COL21A1: variants seen among roughly 807,000 people sequenced by gnomAD.
COL21A1 encodes the protein collagen type XXI alpha 1 chain.
A neutral mutation model predicts 137.9 loss-of-function variants in COL21A1; 149 were observed. That is an observed-to-expected ratio of 1.08 (90% CI 0.95 to 1.24). COL21A1 has a LOEUF of 1.24. Ranked by LOEUF, COL21A1 falls within the 50% of genes most tolerant of loss-of-function variation. The pLI, the probability that COL21A1 is intolerant of heterozygous loss-of-function variation, is 0.00. For missense variants in COL21A1, 1,167 were observed against 1,158.4 expected (o/e 1.01, Z -0.11); for synonymous variants, 456 against 391.5 (o/e 1.16, Z -1.95).
chr6:56,225,973 C>T (rs1781162215), intron 1 of COL21A1: 4 of 151,994 alleles, frequency 2.6e-5, no homozygotes, highest in Admixed American at 2.6e-4. Flanking sequence ...TTGTGGTGTA[C>T]ATGTTTCTGG....
At chr6:56,227,564 A>G (rs1471722217) in intron 1 of COL21A1, among the ~76,000 whole-genome samples, 1 of 152,052 alleles carries the variant, frequency 6.6e-6, no homozygotes, top group Non-Finnish European at 1.5e-5. Context: ...TGAAAAATAC[A>G]TGAAGCTTGG....
At chr6:56,195,015 G>GA (rs924756540) in intron 1 of COL21A1, among the ~76,000 whole-genome samples, 1 of 152,010 alleles carries the variant, frequency 6.6e-6, no homozygotes, top group African/African-American at 2.4e-5. Flanking sequence ...GTGGCTTTAT[G>GA]AAAAAAGGAA....
chr6:56,223,606 T>C (rs1410958798), intron 1 of COL21A1, among the ~76,000 whole-genome samples: 1 of 152,098 alleles, frequency 6.6e-6, no homozygotes, highest in East Asian at 1.9e-4. Context: ...TAATTACAGC[T>C]ATTACATTGG....
At chr6:56,157,563 A>G (rs930063727) in intron 9 of COL21A1, among the ~76,000 whole-genome samples, 2 of 152,140 alleles carry the variant, frequency 1.3e-5, no homozygotes, top group Non-Finnish European at 2.9e-5. Context: ...TGTCTGCCTC[A>G]GCCTTCCAAA....
At chr6:56,231,498 G>C (rs1442101968) in intron 1 of COL21A1, among the ~76,000 whole-genome samples, 1 of 151,828 alleles carries the variant, frequency 6.6e-6, no homozygotes, top group East Asian at 1.9e-4. Flanking sequence ...ATTTGAGCAA[G>C]AAAACAAGCC....
Position 56,070,803 on chromosome 6 carries a change from C to A in COL21A1, c.1966-5G>T. The A allele has an allele frequency of 6.3e-7, 1 of 1,592,678 alleles. No individual in the cohort carries two copies. Among genetic ancestry groups the A allele is most frequent in the Non-Finnish European group, 8.5e-7 (1 of 1,171,820 alleles). On this transcript the variant is annotated splice_polypyrimidine_tract_variant and splice_region_variant and intron_variant, in intron 20 of 29. Transcript: ENST00000244728. ...TCCAGGTTCACCTTTGCTTCCCTGT[C>A]AACACATCAAAAACATTGGAGTTTT...
At chr6:56,363,259 G>A (rs1766016643) in intron 1 of COL21A1, among the ~76,000 whole-genome samples, 1 of 152,228 alleles carries the variant, frequency 6.6e-6, no homozygotes, top group Non-Finnish European at 1.5e-5. Flanking sequence ...AGCAGAAGCA[G>A]CAGGTCATAT....
chr6:56,199,310 C>T (rs1779228600), intron 1 of COL21A1, among the ~76,000 whole-genome samples: 1 of 151,466 alleles, frequency 6.6e-6, no homozygotes, highest in Non-Finnish European at 1.5e-5. Flanking sequence ...TTTAATCAAC[C>T]TTTTAATGGT....
chr6:56,080,789 A>G (rs1767687824), intron 17 of COL21A1, among the ~76,000 whole-genome samples: 2 of 151,898 alleles, frequency 1.3e-5, no homozygotes, highest in African/African-American at 4.8e-5. Flanking sequence ...TTTCTTCATT[A>G]TATCAAGAAG....
Position 56,344,161 on chromosome 6 carries a change from A to G in COL21A1, c.-39+49810T>C, listed in dbSNP as rs115025936. ...AATCAAAGAAAGGATTATTTTTCCT[A>G]TAATCGCTAACATAAAGCAACTGAA... On this transcript the variant is annotated intron_variant, in intron 1 of 28. Transcript: ENST00000370819. Among the ~76,000 whole-genome samples, 1,151 of 152,306 alleles carry G rather than the reference A, an allele frequency of 7.6e-3. 12 individuals are homozygous for G. Among genetic ancestry groups the G allele is most frequent in the Non-Finnish European group, 0.011 (775 of 68,028 alleles).
chr6:56,235,111 T>C (rs1487791952), intron 1 of COL21A1, among the ~76,000 whole-genome samples: 3 of 151,862 alleles, frequency 2.0e-5, no homozygotes, highest in Non-Finnish European at 1.5e-5. Flanking sequence ...TTGTGGCTTA[T>C]AGATTAATGT....
intron 23 of COL21A1, 113 bp downstream of exon 23, chr6:56,067,182 T>C: frequency 2.3e-6 from 2 of 884,488 alleles, no homozygotes; most frequent in Non-Finnish European, 3.3e-6. Flanking sequence ...GAAAATAGGA[T>C]TTAACAACTT....
chr6:56,094,481 G>T (rs150734622), intron 17 of COL21A1, among the ~76,000 whole-genome samples: 1 of 152,018 alleles, frequency 6.6e-6, no homozygotes, highest in Non-Finnish European at 1.5e-5. Flanking sequence ...ACATTCATAT[G>T]TCTACCAGTA....
intron 1 of COL21A1, among the ~76,000 whole-genome samples, chr6:56,193,637 T>A (rs1778837469): frequency 6.6e-6 from 1 of 152,222 alleles, no homozygotes; most frequent in South Asian, 2.1e-4. Context: ...GTGTTATATC[T>A]GTATAATTTA....
intron 17 of COL21A1, among the ~76,000 whole-genome samples, chr6:56,083,183 T>A (rs1767939239): frequency 6.6e-6 from 1 of 151,928 alleles, no homozygotes. Context: ...TTCTGGAGTC[T>A]CTCGGAAAGA....
At position 56,075,491 on chromosome 6, in the gene COL21A1, G is replaced by A. The variant is rs1390460960; in HGVS notation, c.1899C>T (p.Ala633=). 2 of 1,536,904 alleles carry A rather than the reference G, an allele frequency of 1.3e-6. No homozygotes were observed. The highest frequency in any genetic ancestry group is 8.8e-7 in the Non-Finnish European group (1 of 1,141,070). The part of the protein sequence containing the change: ...GPPGQQGKKG[A]PGMPGLMGSN... ...GACATCAACATACAGGCATCCCTGG[G>A]GCTCCTTTTTTTCCTTGCTGTCCTG... Residue 633 remains alanine (A), a synonymous_variant, in exon 19 of 30, where the codon GCC becomes GCT. Coordinates refer to ENST00000244728, the MANE Select transcript of COL21A1 (RefSeq NM_030820.4).
chr6:56,363,528 G>A (rs1275878719), intron 1 of COL21A1, among the ~76,000 whole-genome samples: 4 of 152,196 alleles, frequency 2.6e-5, no homozygotes, highest in Non-Finnish European at 4.4e-5. Flanking sequence ...GCCATTTTGA[G>A]GTCAGTCACC....
At chr6:56,297,248 T>G (rs1038439627) in intron 1 of COL21A1, among the ~76,000 whole-genome samples, 3 of 152,088 alleles carry the variant, frequency 2.0e-5, no homozygotes, top group Non-Finnish European at 4.4e-5. Flanking sequence ...CCTGGACAAG[T>G]GAAAACTGGT....
At chr6:56,277,419 A>C (rs1763694631) in intron 1 of COL21A1, among the ~76,000 whole-genome samples, 1 of 152,182 alleles carries the variant, frequency 6.6e-6, no homozygotes, top group South Asian at 2.1e-4. Context: ...TGAGAAATTA[A>C]ATTCTTTAAT....
Sources: gnomAD v4.1 joint callset for allele counts (sites outside exome capture counted in the v4.1 genomes callset) on GRCh38, gnomAD v4.1.1 for gene constraint, MANE v1.5 for transcripts, NCBI Gene and HGNC (gene_info 2026-07-23, HGNC 2026-07-21) for gene names.